Variants in RSPH14 observed in about 807,000 individuals in gnomAD.
RSPH14 encodes radial spoke head 14 homolog, also known as rhabdoid tumor deletion region gene 1.
Under a neutral mutation model 26.7 loss-of-function variants are expected in RSPH14, and 20 were observed. The ratio of observed to expected loss-of-function variants is 0.75; its 90% CI spans 0.53 to 1.09. The LOEUF (loss-of-function observed/expected upper bound fraction) is 1.09, where lower values mean the gene tolerates loss of function less well. RSPH14 is among the 50% of genes least tolerant of loss of function. The pLI, the probability that RSPH14 is intolerant of heterozygous loss-of-function variation, is 0.00. For missense variants in RSPH14, 449 were observed against 457.2 expected, an observed-to-expected ratio of 0.98 and a Z score of 0.16; for synonymous variants, 177 against 189.3, an observed-to-expected ratio of 0.93 and a Z score of 0.53.
the RSPH14 span, chr22:23,158,970 G>A: frequency 6.2e-7 from 1 of 1,614,182 alleles, no homozygotes; most frequent in African/African-American, 1.3e-5. Context: ...GAACCAAGAA[G>A]GACCTTCTGG....
intron 4 of RSPH14, among the ~76,000 whole-genome samples, chr22:23,102,171 C>T (rs766535733): frequency 1.3e-5 from 2 of 152,228 alleles, no homozygotes; most frequent in Non-Finnish European, 2.9e-5. Context: ...ACTGGGGCTG[C>T]GGCCACCTCA....
At chr22:23,070,990 G>T (rs1170770626) in intron 4 of RSPH14, among the ~76,000 whole-genome samples, 1 of 152,174 alleles carries the variant, frequency 6.6e-6, no homozygotes, top group African/African-American at 2.4e-5. Flanking sequence ...GATCAGGGAG[G>T]GGCGGCCGGA....
At chr22:23,095,914 C>T (rs1601792535) in intron 4 of RSPH14, 6 of 1,613,710 alleles carry the variant, frequency 3.7e-6, no homozygotes, top group Non-Finnish European at 5.1e-6. Context: ...AGCCCCTCAT[C>T]ATCTACAATG....
rs924529486 is a variant in RSPH14 at position 23,071,934 on chromosome 22, G to A, written c.422-7801C>T. On this transcript the variant is annotated intron_variant, in intron 4 of 6. Transcript: ENST00000216036. The surrounding 1 kb of genome is among the most constrained non-coding windows in gnomAD (Gnocchi z 4.1). ...AGGTATGGCGGGAAAGGCCGGTGGG[G>A]GCTGCACGGGGCTGAGGGAGCTGGG... 3.3e-5 allele frequency among the ~76,000 whole-genome samples: 5 copies of A among 152,158 alleles called. No homozygotes were observed. Among genetic ancestry groups the A allele is most frequent in the Admixed American group, 6.5e-5 (1 of 15,274 alleles).
chr22:23,136,447 G>T lies in RSPH14; in HGVS notation c.303-2303C>A. On this transcript the variant is annotated intron_variant, in intron 3 of 6. Transcript: ENST00000216036. ...CACCACTGACCTCAAGGGAAATTTA[G>T]AAGTTGGCCACATTTCTGAGAACGC... The T allele has an allele frequency of 5.8e-6, 3 of 514,140 alleles. 1 individual carries two copies. The highest frequency in any genetic ancestry group is 1.1e-5 in the Non-Finnish European group (3 of 275,342). 31.8% of individuals were successfully genotyped at this position (514,140 alleles called of 1,614,324 possible). A position where few individuals can be genotyped will look rare whatever the true frequency, so the allele number is the denominator to read the frequency against.
intron 4 of RSPH14, among the ~76,000 whole-genome samples, chr22:23,068,247 CCT>C (rs2068255819): frequency 6.6e-6 from 1 of 152,210 alleles, no homozygotes; most frequent in Non-Finnish European, 1.5e-5. Flanking sequence ...CCTGCTATGG[CCT>C]CATTCCAAGC....
At chr22:23,134,241 T>C (rs1227702396) in intron 3 of RSPH14, 97 bp from the exon 4 acceptor site, 6 of 856,216 alleles carry the variant, frequency 7.0e-6, no homozygotes, top group Non-Finnish European at 1.1e-5. Context: ...TGATCCATGC[T>C]ATCTGGGGTA....
chr22:23,142,121 C>T (rs1345659861), upstream of RSPH14: 1 of 766,292 alleles, frequency 1.3e-6, no homozygotes, highest in Non-Finnish European at 1.6e-6. Context: ...GGCTGCAAAG[C>T]GGGAACAATC....
chr22:23,104,073 C>A (rs1309623272), intron 4 of RSPH14, among the ~76,000 whole-genome samples: 1 of 151,734 alleles, frequency 6.6e-6, no homozygotes, highest in Non-Finnish European at 1.5e-5. Flanking sequence ...GGGTGGTGAT[C>A]TGATCTGGAC....
At chr22:23,139,321 A>G (rs538469742) in intron 2 of RSPH14, among the ~76,000 whole-genome samples, 76 of 152,386 alleles carry the variant, frequency 5.0e-4, no homozygotes, top group Admixed American at 9.8e-4. Context: ...CAGATTTAGC[A>G]AATAAAAATC....
chr22:23,113,406 C>T (rs1051008952), intron 4 of RSPH14, among the ~76,000 whole-genome samples: 2 of 152,236 alleles, frequency 1.3e-5, no homozygotes, highest in African/African-American at 2.4e-5. Context: ...TGAGCTGTCT[C>T]GGATAGCCTC....
intron 4 of RSPH14, among the ~76,000 whole-genome samples, chr22:23,076,478 T>A (rs927048260): frequency 3.9e-5 from 6 of 152,212 alleles, no homozygotes; most frequent in African/African-American, 1.4e-4. Context: ...TAAGAGGTTG[T>A]ACCTTTGGGT....
the RSPH14 span, among the ~76,000 whole-genome samples, chr22:23,155,746 C>G: frequency 1.3e-5 from 2 of 152,232 alleles, no homozygotes; most frequent in Admixed American, 1.3e-4. Context: ...CCACACACCC[C>G]CATCCACTAG....
chr22:23,081,977 T>C (rs1386384197), intron 4 of RSPH14, among the ~76,000 whole-genome samples: 1 of 150,716 alleles, frequency 6.6e-6, no homozygotes, highest in Non-Finnish European at 1.5e-5. Flanking sequence ...TACAAAAAAT[T>C]AGCTGGGTGT....
chr22:23,088,109 G>GTCAGTTAAATCTCTT (rs1336394302), intron 4 of RSPH14, among the ~76,000 whole-genome samples: 1 of 152,236 alleles, frequency 6.6e-6, no homozygotes, highest in East Asian at 1.9e-4. Context: ...GCAAGATGGA[G>GTCAGTTAAATCTCTT]TCAGTTAAAT....
chr22:23,102,352 T>C (rs1013213644), intron 4 of RSPH14, among the ~76,000 whole-genome samples: 44 of 152,184 alleles, frequency 2.9e-4, no homozygotes, highest in African/African-American at 9.4e-4. Context: ...TGGCACCTAT[T>C]TGAGGCCCTT....
rs899504573 is a variant in RSPH14, at chr22:23,123,488, A to G, written c.421+10538T>C. On this transcript the variant is annotated intron_variant, in intron 4 of 6. Coordinates refer to ENST00000216036, the MANE Select transcript of RSPH14 (RefSeq NM_014433.3). ...TGAAACCCACGGGGTGTCATGCCCC[A>G]ACGCGTGCTAGAGAGGCCCAATCCA... 4 of 1,180,296 alleles carry G rather than the reference A, an allele frequency of 3.4e-6. No homozygotes were observed. The African/African-American group carries it at 4.5e-5, about 13-fold the overall frequency. The allele number at this position is 1,180,296 out of a possible 1,614,324, so 73.1% of individuals were successfully genotyped here.
intron 4 of RSPH14, chr22:23,095,668 C>G (rs1485747260): frequency 6.3e-7 from 1 of 1,579,796 alleles, no homozygotes; most frequent in Admixed American, 1.8e-5. Context: ...ATCCCGTGCT[C>G]CTTGTCTGGG....
At chr22:23,176,876 A>G in the RSPH14 span, among the ~76,000 whole-genome samples, 1 of 152,158 alleles carries the variant, frequency 6.6e-6, no homozygotes, top group Non-Finnish European at 1.5e-5. Context: ...ATTGAAACTC[A>G]CTAACACGAA....
Sources: gnomAD v4.1 joint callset for allele counts (sites outside exome capture counted in the v4.1 genomes callset) on GRCh38, gnomAD v4.1.1 for gene constraint, Gnocchi (gnomAD v3.1) non-coding constraint, MANE v1.5 for transcripts, NCBI Gene and HGNC (gene_info 2026-07-23, HGNC 2026-07-21) for gene names.